The following DPH6 variants were observed in gnomAD, a reference collection of about 807,000 sequenced individuals.
The protein encoded by DPH6 is diphthine--ammonia ligase.
DPH6 carries 33 observed loss-of-function variants against 38.2 expected under a neutral mutation model. The observed-to-expected ratio is 0.86, with a 90% CI of 0.65 to 1.15. The LOEUF (loss-of-function observed/expected upper bound fraction) is 1.15. Ranked by LOEUF, DPH6 falls within the 50% of genes most tolerant of loss-of-function variation. The pLI is 0.00. For synonymous variants in DPH6, 108 were observed against 103.0 expected (o/e 1.05, Z -0.30); for missense variants, 325 against 320.0 (o/e 1.02, Z -0.12).
chr15:35,174,278 G>T, the DPH6 span, among the ~76,000 whole-genome samples: 1 of 152,170 alleles, frequency 6.6e-6, no homozygotes, highest in East Asian at 1.9e-4. Context: ...TTGCTTAGAA[G>T]TAAAAGAATT....
At chr15:35,324,590 C>T (rs940242050) in intron 3 of DPH6, among the ~76,000 whole-genome samples, 6 of 152,142 alleles carry the variant, frequency 3.9e-5, no homozygotes, top group African/African-American at 1.4e-4. Context: ...AGCCTGCACT[C>T]AGGACCAGGA....
chr15:35,285,872 G>GTTTTTTTTTTTTTTTGTTT (rs2051939211), intron 3 of DPH6, among the ~76,000 whole-genome samples: 1 of 52,814 alleles, frequency 1.9e-5, no homozygotes, highest in East Asian at 5.9e-4. Context: ...TTATCTTTGA[G>GTTTTTTTTTTTTTTTGTTT]TTTTTTTTTT....
At chr15:35,227,173 TC>T (rs2051487591) in intron 3 of DPH6, among the ~76,000 whole-genome samples, 3 of 144,974 alleles carry the variant, frequency 2.1e-5, no homozygotes, top group Non-Finnish European at 3.0e-5. Flanking sequence ...TATAACATCT[TC>T]TTTTTTTTTT....
intron 7 of DPH6, among the ~76,000 whole-genome samples, chr15:35,376,398 G>A (rs1193641292): frequency 4.6e-5 from 7 of 151,968 alleles, no homozygotes; most frequent in African/African-American, 1.7e-4. Context: ...TGCTATTTTT[G>A]GTTAAAGGCT....
chr15:35,167,572 TAAA>T, the DPH6 span, among the ~76,000 whole-genome samples: 773 of 143,736 alleles, frequency 5.4e-3, 3 homozygotes, highest in Middle Eastern at 0.021. Flanking sequence ...GTCTTTTTTT[TAAA>T]AAAAAAAAAA....
chr15:35,385,532 C>A (rs1177997962), intron 6 of DPH6, among the ~76,000 whole-genome samples: 1 of 152,014 alleles, frequency 6.6e-6, no homozygotes, highest in Non-Finnish European at 1.5e-5. Flanking sequence ...CCAAACACTG[C>A]ATGTTCTCAC....
chr15:35,394,328 C>T (rs1261690129), intron 6 of DPH6, among the ~76,000 whole-genome samples: 2 of 152,128 alleles, frequency 1.3e-5, no homozygotes, highest in African/African-American at 2.4e-5. Flanking sequence ...TAAAAAAGAG[C>T]ACAGGCTTGA....
chr15:35,360,844 AG>A (rs1340698737), intron 3 of DPH6, among the ~76,000 whole-genome samples: 1 of 152,004 alleles, frequency 6.6e-6, no homozygotes, highest in Non-Finnish European at 1.5e-5. Context: ...AGCCCAGTTA[AG>A]GGCCACTTTA....
downstream of DPH6, among the ~76,000 whole-genome samples, chr15:35,216,894 A>G (rs1253785846): frequency 6.6e-6 from 1 of 152,224 alleles, no homozygotes; most frequent in African/African-American, 2.4e-5. Flanking sequence ...AGTAGAACTG[A>G]TGGCATGTGA....
At chr15:35,343,072 T>C (rs1203759001) in intron 3 of DPH6, among the ~76,000 whole-genome samples, 1 of 152,224 alleles carries the variant, frequency 6.6e-6, no homozygotes, top group Non-Finnish European at 1.5e-5. Flanking sequence ...TCTTTTTGAA[T>C]ATACCTAGAA....
At chr15:35,294,438 T>G (rs2052000922) in intron 3 of DPH6, among the ~76,000 whole-genome samples, 1 of 152,204 alleles carries the variant, frequency 6.6e-6, no homozygotes, top group South Asian at 2.1e-4. Context: ...CCTTTCAAGA[T>G]CAGTTGGTTC....
downstream of DPH6, among the ~76,000 whole-genome samples, chr15:35,213,883 C>T (rs368852564): frequency 2.6e-4 from 40 of 152,264 alleles, no homozygotes; most frequent in South Asian, 3.7e-3. Flanking sequence ...GAGGCCGAGG[C>T]GGGTGGATCA....
At chr15:35,212,359 T>C (rs2051393189), downstream of DPH6, among the ~76,000 whole-genome samples, 1 of 152,140 alleles carries the variant, frequency 6.6e-6, no homozygotes, top group African/African-American at 2.4e-5. Flanking sequence ...CCTGAGTAGA[T>C]GGAAGAGTGA....
intron 3 of DPH6, among the ~76,000 whole-genome samples, chr15:35,525,663 C>A (rs564603567): frequency 9.9e-4 from 150 of 151,734 alleles, no homozygotes; most frequent in Non-Finnish European, 1.7e-3. Context: ...CATGATGAAA[C>A]CTCACCTCTA....
At chr15:35,276,293 T>C (rs1034387853) in intron 3 of DPH6, among the ~76,000 whole-genome samples, 3 of 152,208 alleles carry the variant, frequency 2.0e-5, no homozygotes, top group Admixed American at 2.0e-4. Context: ...TTGTTTTTTC[T>C]TATTAATTTG....
At chr15:35,520,679 T>C (rs2054911431) in intron 3 of DPH6, 6 of 985,008 alleles carry the variant, frequency 6.1e-6, no homozygotes, top group Admixed American at 6.2e-5. Context: ...AATAATATCC[T>C]GAATTGCTGA....
At chr15:35,457,461 G>A (rs1003313306) in intron 3 of DPH6, among the ~76,000 whole-genome samples, 3 of 151,358 alleles carry the variant, frequency 2.0e-5, no homozygotes, top group African/African-American at 7.3e-5. Context: ...AGGAAGCCCA[G>A]CTAATTTTTG....
At chr15:35,525,426 G>T (rs1288483150) in intron 3 of DPH6, among the ~76,000 whole-genome samples, 3 of 152,022 alleles carry the variant, frequency 2.0e-5, no homozygotes, top group Non-Finnish European at 4.4e-5. Flanking sequence ...CTGCTCTCAG[G>T]ATCTACCTCA....
At chr15:35,413,292 T>A (rs905786370) in intron 5 of DPH6, among the ~76,000 whole-genome samples, 1 of 151,762 alleles carries the variant, frequency 6.6e-6, no homozygotes, top group Non-Finnish European at 1.5e-5. Context: ...AAAATCATGA[T>A]CATACTTGTT....
Sources: allele counts gnomAD v4.1 joint callset (sites outside exome capture counted in the v4.1 genomes callset), GRCh38; gene constraint gnomAD v4.1.1; transcripts MANE v1.5; gene names NCBI Gene and HGNC (gene_info 2026-07-23, HGNC 2026-07-21).